Variants in COL27A1 observed in about 807,000 individuals in gnomAD.
COL27A1 encodes collagen alpha-1(XXVII) chain.
A neutral mutation model predicts 251.3 loss-of-function variants in COL27A1; 106 were observed. The observed-to-expected ratio is 0.42, with a 90% CI of 0.36 to 0.50. The LOEUF is 0.50. Ranked by LOEUF, COL27A1 falls within the 20% of genes least tolerant of loss-of-function variation. COL27A1 has a pLI of 0.00. For synonymous variants in COL27A1, 1,000 were observed against 986.3 expected (o/e 1.01, Z -0.26); for missense variants, 2,325 against 2,522.8 (o/e 0.92, Z 1.68).
In COL27A1 at chr9:114,290,202, C is replaced by T. The variant is rs746587952; in HGVS notation, c.4261-22C>T. The T allele has an allele frequency of 2.5e-6, 4 of 1,579,242 alleles. No homozygotes were observed. In the South Asian group the frequency reaches 3.4e-5, roughly 14 times the overall value. ...CACTCCCTGCACCAAATGCCCTCAC[C>T]AGCTTTTTATGTACCCCCCAGGGCC... On this transcript the variant is annotated intron_variant, in intron 46 of 60. Coordinates refer to ENST00000356083, the MANE Select transcript of COL27A1 (RefSeq NM_032888.4). The surrounding 1 kb of genome is among the most constrained non-coding windows in gnomAD (Gnocchi z 4.6).
intron 57 of COL27A1, among the ~76,000 whole-genome samples, chr9:114,305,538 TAG>T (rs1828976153): frequency 1.3e-5 from 2 of 152,194 alleles, no homozygotes; most frequent in Non-Finnish European, 2.9e-5. Flanking sequence ...GGCGGTAGAA[TAG>T]AGGCTTATTT....
chr9:114,251,406 C>A (rs952435349), intron 25 of COL27A1, among the ~76,000 whole-genome samples: 1 of 152,076 alleles, frequency 6.6e-6, no homozygotes, highest in African/African-American at 2.4e-5. Flanking sequence ...CGGGCCTCTG[C>A]CTTCCTCCTC....
rs541480544 is a variant in COL27A1 at position 114,206,122 on chromosome 9, C to T, written c.2224-130C>T. On this transcript the variant is annotated intron_variant, in intron 9 of 60. Transcript: ENST00000356083. The stretch of plus-strand genomic sequence containing the variant: ...GGGCTGTGGGGGTCAGGCCAAAGAT[C>T]GCTGATCTAACCCCACCCCCATTCT... The T allele has an allele frequency of 4.2e-5, 38 of 901,828 alleles. No homozygotes were observed. The East Asian group carries it at 6.6e-4, about 16-fold the overall frequency. 55.9% of individuals were successfully genotyped at this position (901,828 alleles called of 1,614,324 possible).
chr9:114,229,910 T>C (rs1291705872), intron 14 of COL27A1, among the ~76,000 whole-genome samples: 1 of 152,180 alleles, frequency 6.6e-6, no homozygotes, highest in African/African-American at 2.4e-5. Context: ...GGCTGTTCTG[T>C]GCACTGCAGC....
chr9:114,204,945 A>G (rs1016804653), intron 7 of COL27A1, among the ~76,000 whole-genome samples, 157 bp from the exon 8 acceptor site: 6 of 152,168 alleles, frequency 3.9e-5, no homozygotes, highest in African/African-American at 1.4e-4. Context: ...CTCACATGGT[A>G]TCTGCATCCA....
rs117595736 is a variant in COL27A1, at chr9:114,288,338, C to T, written c.3988-117C>T. 4.9e-3 allele frequency: 5,138 copies of T among 1,055,524 alleles called. 138 individuals are homozygous for T. In the East Asian group the frequency reaches 0.056, roughly 11 times the overall value. The allele number at this position is 1,055,524 out of a possible 1,614,324, so 65.4% of individuals were successfully genotyped here. A position where few individuals can be genotyped will look rare whatever the true frequency, so the allele number is the denominator to read the frequency against. On this transcript the variant is annotated intron_variant, in intron 41 of 60. Transcript: ENST00000356083. ...TACCCTTCCCTCTCTAGTTTGTGTC[C>T]CCATCTGTAACCCTAAGCAGGCTAG...
intron 25 of COL27A1, among the ~76,000 whole-genome samples, chr9:114,250,887 C>T (rs2808799): frequency 6.6e-6 from 1 of 151,856 alleles, no homozygotes; most frequent in African/African-American, 2.4e-5. Flanking sequence ...CACAGTTAGA[C>T]TTTTGTGTGA....
chr9:114,192,069 C>A (rs559656372), intron 5 of COL27A1, among the ~76,000 whole-genome samples: 1 of 152,318 alleles, frequency 6.6e-6, no homozygotes, highest in South Asian at 2.1e-4. Context: ...CTCGGGCAGG[C>A]ATTGCATCTT....
intron 27 of COL27A1, 99 bp from the exon 28 acceptor site, chr9:114,258,442 G>A (rs2135559864): frequency 8.2e-7 from 1 of 1,220,968 alleles, no homozygotes; most frequent in East Asian, 2.5e-5. Flanking sequence ...GCCCGTCTGA[G>A]GGCTGCAGGC....
At chr9:114,283,881 A>G in intron 40 of COL27A1, 119 bp downstream of exon 40, 1 of 1,045,312 alleles carries the variant, frequency 9.6e-7, no homozygotes, top group Non-Finnish European at 1.4e-6. Context: ...GGAATACTGA[A>G]GATGTGGGGT....
chr9:114,298,547 A>G (rs1828402747), intron 49 of COL27A1, among the ~76,000 whole-genome samples: 2 of 152,174 alleles, frequency 1.3e-5, no homozygotes, highest in Non-Finnish European at 2.9e-5. Context: ...ATGGGAAAAG[A>G]ATTTTTTTTC....
chr9:114,247,341 G>A (rs546039894), intron 24 of COL27A1, among the ~76,000 whole-genome samples: 7 of 152,256 alleles, frequency 4.6e-5, no homozygotes, highest in Non-Finnish European at 8.8e-5. Context: ...TACTACTGTG[G>A]TTTGTTGCCT....
At chr9:114,307,621 G>A (rs1052445159) in intron 58 of COL27A1, 48 bp from the exon 59 acceptor site, 1 of 1,320,624 alleles carries the variant, frequency 7.6e-7, no homozygotes, top group East Asian at 2.3e-5. Flanking sequence ...CAAGGAATGG[G>A]CTCATCCCCC....
At chr9:114,255,176 G>A (rs1055497416) in intron 27 of COL27A1, among the ~76,000 whole-genome samples, 2 of 152,222 alleles carry the variant, frequency 1.3e-5, no homozygotes, top group African/African-American at 4.8e-5. Context: ...CAGGGCTGGA[G>A]GAGCTGGCAG....
intron 25 of COL27A1, among the ~76,000 whole-genome samples, chr9:114,250,872 T>C (rs1833496294): frequency 6.6e-6 from 1 of 152,128 alleles, no homozygotes; most frequent in Non-Finnish European, 1.5e-5. Context: ...GTCATCAGCC[T>C]CAAGCACAGT....
At chr9:114,306,158 C>G (rs1019749819) in intron 57 of COL27A1, 2 of 182,836 alleles carry the variant, frequency 1.1e-5, no homozygotes, top group African/African-American at 4.8e-5. Flanking sequence ...CCCAAGTCAG[C>G]TCCCCCCAGC....
chr9:114,241,058 T>A (rs1361173225), intron 21 of COL27A1, among the ~76,000 whole-genome samples: 1 of 152,260 alleles, frequency 6.6e-6, no homozygotes, highest in Non-Finnish European at 1.5e-5. Flanking sequence ...TTACAATGAC[T>A]TGCACAATTA....
Position 114,246,869 on chromosome 9 carries a change from GAA to G in COL27A1, c.2979+972_2979+973del, listed in dbSNP as rs747281146. On this transcript the variant is annotated intron_variant, in intron 24 of 60. Coordinates refer to ENST00000356083, the MANE Select transcript of COL27A1 (RefSeq NM_032888.4). ...GCGGCCTGGATATATTTCCTGATTG[GAA>G]AAAAAAAAAAAAGGCAATTTGATCA... is the stretch of plus-strand genomic sequence containing the variant. Among the ~76,000 whole-genome samples, 37 of 137,878 alleles carry G rather than the reference GAA, an allele frequency of 2.7e-4. 1 individual carries two copies. The highest frequency in any genetic ancestry group is 6.1e-4 in the African/African-American group (23 of 37,594). 90.5% of individuals were successfully genotyped at this position (137,878 alleles called of 152,430 possible).
chr9:114,209,697 T>C lies in COL27A1; in HGVS notation c.2291T>C (p.Leu764Pro). ...TAGGGCTACATTGGGCTCCCAGGGC[T>C]CTTCGGCCTGCCAGGGTCTGATGGA... ...GSRGYIGLPG[L>P]FGLPGSDGER... is the part of the protein sequence containing the mutation. Residue 764 changes from leucine to proline, a missense_variant, in exon 11 of 61, where the codon CTC becomes CCC. Around this residue, in one of 4 missense-constraint regions of COL27A1, gnomAD observed 1,183 missense variants for 1,144.1 expected, o/e 1.03. Coordinates refer to ENST00000356083, the MANE Select transcript of COL27A1 (RefSeq NM_032888.4). The C allele has an allele frequency of 6.2e-7, 1 of 1,614,188 alleles. No homozygotes were observed. Among genetic ancestry groups the C allele is most frequent in the Non-Finnish European group, 8.5e-7 (1 of 1,180,014 alleles).
Sources: gnomAD v4.1 joint callset for allele counts (sites outside exome capture counted in the v4.1 genomes callset) on GRCh38, gnomAD v4.1.1 for gene constraint, gnomAD v4.1.1 regional missense constraint, Gnocchi (gnomAD v3.1) non-coding constraint, MANE v1.5 for transcripts, NCBI Gene and HGNC (gene_info 2026-07-23, HGNC 2026-07-21) for gene names.